Variants in RBM6 observed in about 807,000 individuals in gnomAD.
RBM6 encodes RNA-binding protein 6.
In RBM6, 23 loss-of-function variants were observed where a neutral mutation model predicts 140.4. That is an observed-to-expected ratio of 0.16 (90% CI 0.12 to 0.23). The LOEUF (loss-of-function observed/expected upper bound fraction) is 0.23. RBM6 is among the 10% of genes least tolerant of loss of function. RBM6 has a pLI of 1.00. For synonymous variants in RBM6, 439 were observed against 475.6 expected (o/e 0.92, Z 1.00); for missense variants, 1,139 against 1,386.7 (o/e 0.82, Z 2.84).
chr3:50,068,894 A>T (rs2090200578), intron 18 of RBM6, 130 bp downstream of exon 18: 1 of 701,374 alleles, frequency 1.4e-6, no homozygotes. Flanking sequence ...GATAGTGCAT[A>T]CATTTGCCAA....
intron 6 of RBM6, among the ~76,000 whole-genome samples, chr3:50,000,368 C>G (rs1262221495): frequency 3.5e-5 from 5 of 144,496 alleles, no homozygotes; most frequent in African/African-American, 1.1e-4. Context: ...TTTTAATGTA[C>G]CCACTGCCTA....
chr3:50,028,029 C>T (rs2087937197), intron 6 of RBM6, among the ~76,000 whole-genome samples: 1 of 149,588 alleles, frequency 6.7e-6, no homozygotes, highest in Admixed American at 6.7e-5. Context: ...TTTGAATTCT[C>T]TCTTGGGCTG....
chr3:49,953,314 G>C (rs769913075), intron 1 of RBM6, among the ~76,000 whole-genome samples: 8 of 151,806 alleles, frequency 5.3e-5, no homozygotes, highest in Non-Finnish European at 8.8e-5. Context: ...CCACCTCCCG[G>C]ATTCAAGTGA....
At chr3:49,986,694 CTT>C (rs201167635) in intron 5 of RBM6, among the ~76,000 whole-genome samples, 1,976 of 151,904 alleles carry the variant, frequency 0.013, 45 homozygotes, top group African/African-American at 0.046. Context: ...ACCTGCCATT[CTT>C]TTTGTCTCTT....
chr3:50,074,959 C>A (rs952351500), intron 19 of RBM6, among the ~76,000 whole-genome samples: 4 of 151,610 alleles, frequency 2.6e-5, no homozygotes, highest in African/African-American at 4.8e-5. Context: ...AGCAGCCTGG[C>A]CAACACAGTG....
chr3:50,007,618 C>T (rs890728834), intron 6 of RBM6, among the ~76,000 whole-genome samples: 6 of 151,916 alleles, frequency 3.9e-5, no homozygotes, highest in Non-Finnish European at 7.4e-5. Flanking sequence ...CTGCATGCTC[C>T]GCCTCCCGGG....
intron 5 of RBM6, among the ~76,000 whole-genome samples, chr3:49,988,319 A>G (rs1260104135): frequency 6.6e-6 from 1 of 151,754 alleles, no homozygotes; most frequent in Non-Finnish European, 1.5e-5. Context: ...TAATTTTTGT[A>G]TTTTTTGTAG....
At position 50,054,321 on chromosome 3, in the gene RBM6, C is replaced by A; in HGVS notation, c.1633-14C>A. The stretch of plus-strand genomic sequence containing the variant: ...AAATGTTTTCAGTCAAATTGATTTC[C>A]TTCTTCCTTACAGTGTAAGGCAAAC... On this transcript the variant is annotated splice_polypyrimidine_tract_variant and intron_variant, in intron 7 of 20. Coordinates refer to ENST00000266022, the MANE Select transcript of RBM6 (RefSeq NM_005777.3). 6.3e-7 allele frequency: 1 copy of A among 1,599,762 alleles called. No individual in the cohort carries two copies.
At chr3:50,066,166 A>G (rs956268009) in intron 16 of RBM6, 76 bp from the exon 17 acceptor site, 3 of 1,439,488 alleles carry the variant, frequency 2.1e-6, no homozygotes, top group Non-Finnish European at 2.8e-6. Flanking sequence ...TGAGATGCCC[A>G]TATCAGAATA....
intron 5 of RBM6, among the ~76,000 whole-genome samples, chr3:49,985,697 C>T (rs1358849146): frequency 1.3e-5 from 2 of 151,602 alleles, no homozygotes; most frequent in Admixed American, 1.3e-4. Context: ...ACCTCCACCT[C>T]CCGGGTTCAC....
At chr3:50,058,150 C>T in intron 9 of RBM6, 147 bp downstream of exon 9, 1 of 1,054,918 alleles carries the variant, frequency 9.5e-7, no homozygotes, top group Non-Finnish European at 1.3e-6. Context: ...TGTCTGTGGA[C>T]CTTCCTGTAC....
At chr3:49,975,534 C>T (rs1012913644) in intron 5 of RBM6, 142 bp downstream of exon 5, 8 of 689,116 alleles carry the variant, frequency 1.2e-5, no homozygotes, top group African/African-American at 1.1e-4. Context: ...AAATAACAAC[C>T]AGCTTTAGTT....
intron 2 of RBM6, among the ~76,000 whole-genome samples, chr3:49,964,076 T>G (rs2084402854): frequency 6.9e-6 from 1 of 145,818 alleles, no homozygotes; most frequent in South Asian, 2.2e-4. Flanking sequence ...AATTATTGTA[T>G]TTTTTTTTTT....
rs941694286 is a variant in RBM6 at position 50,070,368 on chromosome 3, T to G, written c.3019-87T>G. 9.4e-6 allele frequency: 9 copies of G among 955,106 alleles called. No homozygotes were observed. In the Admixed American group the frequency reaches 1.5e-4, roughly 16 times the overall value. The allele number at this position is 955,106 out of a possible 1,614,324, so 59.2% of individuals were successfully genotyped here. ...AGACTCTGTCTCAAGAAAAAAATAA[T>G]AATAATAACAGCAATGGGGTAGAAT... On this transcript the variant is annotated intron_variant, in intron 18 of 20. Coordinates refer to ENST00000266022, the MANE Select transcript of RBM6 (RefSeq NM_005777.3).
At chr3:50,032,791 G>A (rs763205610) in intron 6 of RBM6, among the ~76,000 whole-genome samples, 3 of 151,846 alleles carry the variant, frequency 2.0e-5, no homozygotes, top group Non-Finnish European at 2.9e-5. Flanking sequence ...TTCGAGACTA[G>A]CCTGGCCAAC....
chr3:49,968,561 G>A lies in RBM6; in HGVS notation c.1136G>A (p.Ser379Asn). The change falls in exon 3 of 21, where the codon AGT (serine) becomes AAT (asparagine). Residue 379 changes from serine (S) to asparagine (N), a missense_variant. Transcript: ENST00000266022. ...CAGCTTTCTGGACGTGAAGAGCAGA[G>A]TTCAGATGCTGGTCTGTTTAAAGAA... is the stretch of plus-strand genomic sequence containing the variant. ...KSQLSGREEQ[S>N]SDAGLFKEEG... 2 of 1,614,152 alleles carry A rather than the reference G, an allele frequency of 1.2e-6. No homozygotes were observed. Among genetic ancestry groups the A allele is most frequent in the Non-Finnish European group, 1.7e-6 (2 of 1,180,040 alleles).
chr3:50,005,325 A>C (rs2086523401), intron 6 of RBM6, among the ~76,000 whole-genome samples: 3 of 152,062 alleles, frequency 2.0e-5, no homozygotes. Flanking sequence ...GCAAGACCTC[A>C]TCTCTACAAA....
intron 1 of RBM6, among the ~76,000 whole-genome samples, chr3:49,961,029 AG>A (rs1276186333): frequency 6.7e-6 from 1 of 149,176 alleles, no homozygotes; most frequent in Non-Finnish European, 1.5e-5. Flanking sequence ...CCCCCACTTC[AG>A]CCTTCCAAGA....
chr3:49,950,725 A>G (rs141719750), intron 1 of RBM6, among the ~76,000 whole-genome samples: 1 of 152,094 alleles, frequency 6.6e-6, no homozygotes, highest in Non-Finnish European at 1.5e-5. Context: ...ACTGTGGTAC[A>G]GTCTGGGTGA....
Sources: allele counts gnomAD v4.1 joint callset (sites outside exome capture counted in the v4.1 genomes callset), GRCh38; gene constraint gnomAD v4.1.1; transcripts MANE v1.5; gene names NCBI Gene and HGNC (gene_info 2026-07-23, HGNC 2026-07-21).